CCDC3: variants seen among roughly 807,000 people sequenced by gnomAD.
The protein encoded by CCDC3 is coiled-coil domain containing 3, also known as coiled-coil domain-containing protein 3.
Under a neutral mutation model 21.4 loss-of-function variants are expected in CCDC3, and 24 were observed. The ratio of observed to expected loss-of-function variants is 1.12; its 90% CI spans 0.81 to 1.58. The LOEUF is 1.58. Ranked by LOEUF, CCDC3 falls within the 40% of genes most tolerant of loss-of-function variation. The pLI is 0.00. For missense variants in CCDC3, 425 were observed against 360.9 expected, an observed-to-expected ratio of 1.18 and a Z score of -1.44; for synonymous variants, 186 against 166.0, an observed-to-expected ratio of 1.12 and a Z score of -0.93.
At chr10:13,085,330 T>C (rs1837089285) in intron 3 of CCDC3, among the ~76,000 whole-genome samples, 4 of 152,228 alleles carry the variant, frequency 2.6e-5, no homozygotes. Context: ...GATGACTCAG[T>C]GTCCCCATGC....
intron 1 of CCDC3, 107 bp from the exon 2 acceptor site, chr10:12,998,619 T>C: frequency 2.1e-6 from 2 of 933,072 alleles, no homozygotes; most frequent in African/African-American, 1.7e-5. Flanking sequence ...TTCACATCAA[T>C]GTCTGGCATG....
intron 2 of CCDC3, among the ~76,000 whole-genome samples, chr10:12,978,948 CG>C (rs1835457693): frequency 6.6e-6 from 1 of 152,156 alleles, no homozygotes; most frequent in African/African-American, 2.4e-5. Flanking sequence ...AACTGAGTCA[CG>C]CAACACCGCC....
At chr10:13,058,964 G>A (rs1836717778) in intron 4 of CCDC3, among the ~76,000 whole-genome samples, 1 of 152,160 alleles carries the variant, frequency 6.6e-6, no homozygotes, top group Non-Finnish European at 1.5e-5. Context: ...AACAACTCCT[G>A]TGGAGAGTAC....
intron 4 of CCDC3, among the ~76,000 whole-genome samples, chr10:13,070,007 G>A (rs1480587777): frequency 2.0e-5 from 3 of 151,948 alleles, no homozygotes; most frequent in Non-Finnish European, 4.4e-5. Context: ...TTATTCCAAA[G>A]GAAAAACATA....
chr10:13,072,949 C>T (rs530646646), intron 4 of CCDC3, among the ~76,000 whole-genome samples: 13 of 151,170 alleles, frequency 8.6e-5, no homozygotes, highest in Admixed American at 2.0e-4. Context: ...TCACTGCAAC[C>T]TCCACCTCCT....
At chr10:12,998,536 C>T in intron 1 of CCDC3, 24 bp from the exon 2 acceptor site, 1 of 1,610,384 alleles carries the variant, frequency 6.2e-7, no homozygotes, top group African/African-American at 1.3e-5. Context: ...AAAAGGCAGA[C>T]ATGTAGGCTA....
chr10:13,057,601 C>A (rs528907143), intron 4 of CCDC3, among the ~76,000 whole-genome samples: 1 of 151,766 alleles, frequency 6.6e-6, no homozygotes, highest in Non-Finnish European at 1.5e-5. Context: ...TTGGTTTGAC[C>A]GGGCGCGGGG....
intron 2 of CCDC3, among the ~76,000 whole-genome samples, chr10:12,946,965 C>A (rs777029963): frequency 6.6e-6 from 1 of 152,110 alleles, no homozygotes; most frequent in Non-Finnish European, 1.5e-5. Context: ...GAAAACCGAA[C>A]GGAAAAGCAA....
intron 5 of CCDC3, among the ~76,000 whole-genome samples, chr10:13,014,965 C>G (rs1836034589): frequency 7.3e-6 from 1 of 137,100 alleles, no homozygotes; most frequent in Admixed American, 7.6e-5. Flanking sequence ...TATGTAGGAA[C>G]AACTGAAATT....
chr10:12,937,701 G>A (rs968400487), intron 2 of CCDC3, among the ~76,000 whole-genome samples: 1 of 152,192 alleles, frequency 6.6e-6, no homozygotes, highest in Non-Finnish European at 1.5e-5. Flanking sequence ...GGGACAGTAT[G>A]TGTGACTCAG....
At chr10:12,929,126 A>C (rs1272768227) in intron 2 of CCDC3, among the ~76,000 whole-genome samples, 1 of 151,906 alleles carries the variant, frequency 6.6e-6, no homozygotes, top group African/African-American at 2.4e-5. Flanking sequence ...GCTGGGCGCG[A>C]TGGCAGGCAC....
chr10:13,097,654 G>A (rs190712609), intron 3 of CCDC3, among the ~76,000 whole-genome samples: 21 of 152,298 alleles, frequency 1.4e-4, no homozygotes, highest in African/African-American at 4.8e-4. Flanking sequence ...AACCCAGGAG[G>A]TGGAGATTGC....
chr10:13,087,001 T>C (rs1588421231), intron 3 of CCDC3, among the ~76,000 whole-genome samples: 2 of 152,228 alleles, frequency 1.3e-5, no homozygotes, highest in South Asian at 2.1e-4. Flanking sequence ...TTTTCAAACC[T>C]GGCACAGACA....
intron 2 of CCDC3, among the ~76,000 whole-genome samples, chr10:12,949,179 T>C (rs1834972172): frequency 6.6e-6 from 1 of 152,124 alleles, no homozygotes; most frequent in Non-Finnish European, 1.5e-5. Context: ...GTTTCCTCCT[T>C]AGTAAAAGCT....
chr10:13,074,576 C>T (rs1836937210), intron 3 of CCDC3, among the ~76,000 whole-genome samples: 2 of 151,512 alleles, frequency 1.3e-5, no homozygotes, highest in Admixed American at 6.6e-5. Flanking sequence ...CCCTCCCCCT[C>T]CCCCTCTCCC....
At chr10:12,960,080 G>A (rs1175035160) in intron 2 of CCDC3, among the ~76,000 whole-genome samples, 4 of 151,946 alleles carry the variant, frequency 2.6e-5, no homozygotes, top group African/African-American at 9.7e-5. Flanking sequence ...CTTGAACCTG[G>A]GAGGCAGAGG....
upstream of CCDC3, among the ~76,000 whole-genome samples, chr10:13,005,387 A>G (rs572331049): frequency 1.7e-3 from 264 of 152,348 alleles, 2 homozygotes; most frequent in African/African-American, 6.2e-3. Flanking sequence ...GGACCTGCCC[A>G]ATCCCAGTCT....
chr10:12,922,023 C>T (rs1054157050), intron 2 of CCDC3, among the ~76,000 whole-genome samples: 5 of 152,156 alleles, frequency 3.3e-5, no homozygotes, highest in African/African-American at 1.2e-4. Flanking sequence ...AGCCATTGTG[C>T]CTGACCCTAT....
Position 12,898,365 on chromosome 10 carries a change from T to A in CCDC3, c.*51A>T, listed in dbSNP as rs1157754448. 3 of 1,519,130 alleles carry A rather than the reference T, an allele frequency of 2.0e-6. No homozygotes were observed. The highest frequency in any genetic ancestry group is 4.4e-5 in the Admixed American group (2 of 45,458). The allele number at this position is 1,519,130 out of a possible 1,614,324, so 94.1% of individuals were successfully genotyped here. A position where few individuals can be genotyped will look rare whatever the true frequency, so the allele number is the denominator to read the frequency against. ...GCTGCATGTACGAAACCTCACTCAT[T>A]CTCAATTACCGTCAGGATTGGCCCT... On this transcript the variant is annotated 3_prime_UTR_variant, in exon 3 of 3. Coordinates refer to ENST00000378825, the MANE Select transcript of CCDC3 (RefSeq NM_031455.4).
Sources: gnomAD v4.1 joint callset for allele counts (sites outside exome capture counted in the v4.1 genomes callset) on GRCh38, gnomAD v4.1.1 for gene constraint, MANE v1.5 for transcripts, NCBI Gene and HGNC (gene_info 2026-07-23, HGNC 2026-07-21) for gene names.